Variants in CRMP1 observed in about 807,000 individuals in gnomAD.
The protein encoded by CRMP1 is collapsin response mediator protein 1.
Under a neutral mutation model 68.3 loss-of-function variants are expected in CRMP1, and 19 were observed. The observed-to-expected ratio is 0.28, with a 90% confidence interval of 0.19 to 0.41. The LOEUF is 0.41. Ranked by LOEUF, CRMP1 falls within the 10% of genes least tolerant of loss-of-function variation. The probability of loss-of-function intolerance (pLI) is 1.00; values close to 1 mark genes in which losing one functional copy is unlikely to be tolerated. For missense variants in CRMP1, 791 were observed against 967.4 expected, an observed-to-expected ratio of 0.82 and a Z score of 2.42; for synonymous variants, 439 against 399.6, an observed-to-expected ratio of 1.10 and a Z score of -1.18.
At chr4:5,884,323 C>G (rs1216158862) in intron 1 of CRMP1, among the ~76,000 whole-genome samples, 2 of 152,064 alleles carry the variant, frequency 1.3e-5, no homozygotes, top group Admixed American at 6.6e-5. Flanking sequence ...ACAAATCGAG[C>G]CTGATGTGAT....
In CRMP1 at chr4:5,866,662, A is replaced by G. The variant is rs1433807861; in HGVS notation, c.470+6T>C. The stretch of plus-strand genomic sequence containing the variant: ...TTTCTTAAAAGGTCCGTTTTGATCA[A>G]CCCACTTGATAAGTCCATCCTCCAG... On this transcript the variant is annotated splice_donor_region_variant and intron_variant, in intron 2 of 13. Coordinates refer to ENST00000324989, the MANE Select transcript of CRMP1 (RefSeq NM_001014809.3). This position sits in a 1 kb window ranked among gnomAD's most constrained non-coding sequence, Gnocchi z 5.9. 2 of 1,609,958 alleles carry G rather than the reference A, an allele frequency of 1.2e-6. No individual in the cohort carries two copies.
intron 1 of CRMP1, among the ~76,000 whole-genome samples, chr4:5,875,838 T>C (rs1013980852): frequency 2.1e-5 from 3 of 143,944 alleles, no homozygotes; most frequent in Non-Finnish European, 4.4e-5. Flanking sequence ...TTACTGCTTT[T>C]CTTTCTCAGC....
intron 12 of CRMP1, among the ~76,000 whole-genome samples, chr4:5,827,655 C>T (rs555482164): frequency 4.5e-4 from 68 of 151,962 alleles, no homozygotes; most frequent in Non-Finnish European, 8.7e-4. Context: ...CACACACATC[C>T]CCATATGCAC....
intron 11 of CRMP1, 110 bp from the exon 12 acceptor site, chr4:5,828,778 T>C (rs1046127268): frequency 1.5e-6 from 2 of 1,303,562 alleles, no homozygotes; most frequent in African/African-American, 1.5e-5. Flanking sequence ...CCAATGTTTT[T>C]TTTTCTCTCT....
rs1180722095 is a variant in CRMP1 at position 5,853,852 on chromosome 4, A to T, written c.820+2291T>A. Reference sequence around the variant, plus strand: ...GGCACAGAAAGGCAAACACTGCAGCATCTCACTTATATGTGGAATCTAAAA... The same window carrying T: ...GGCACAGAAAGGCAAACACTGCAGCTTCTCACTTATATGTGGAATCTAAAA... On this transcript the variant is annotated intron_variant, in intron 4 of 13. Coordinates refer to ENST00000324989, the MANE Select transcript of CRMP1 (RefSeq NM_001014809.3). This position sits in a 1 kb window ranked among gnomAD's most constrained non-coding sequence, Gnocchi z 4.7. Among the ~76,000 whole-genome samples the T allele has an allele frequency of 6.6e-6, 1 of 152,280 alleles. No individual in the cohort carries two copies. Among genetic ancestry groups the T allele is most frequent in the East Asian group, 1.9e-4 (1 of 5,204 alleles).
intron 11 of CRMP1, among the ~76,000 whole-genome samples, chr4:5,835,643 G>T (rs1472845233): frequency 3.3e-5 from 5 of 152,152 alleles, no homozygotes; most frequent in Non-Finnish European, 7.3e-5. Context: ...TCAGATGGCT[G>T]GGAACACATG....
intron 1 of CRMP1, among the ~76,000 whole-genome samples, chr4:5,882,610 T>A (rs1351151134): frequency 5.9e-5 from 9 of 152,184 alleles, no homozygotes; most frequent in African/African-American, 2.2e-4. Flanking sequence ...CATAAATCTG[T>A]ACAGATAAAA....
In CRMP1 at chr4:5,860,680, A is replaced by C. The variant is rs1484515329; in HGVS notation, c.655+346T>G. ...CTATAATCCATGTCTTCTTTACTTA[A>C]TACTTTTCTTTAAACAAATTTTGTT... On this transcript the variant is annotated intron_variant, in intron 3 of 13. Coordinates refer to ENST00000324989, the MANE Select transcript of CRMP1 (RefSeq NM_001014809.3). The surrounding 1 kb of genome is among the most constrained non-coding windows in gnomAD (Gnocchi z 4.2). Among the ~76,000 whole-genome samples the C allele has an allele frequency of 6.6e-6, 1 of 151,458 alleles. No homozygotes were observed. The highest frequency in any genetic ancestry group is 1.5e-5 in the Non-Finnish European group (1 of 67,928).
At position 5,845,332 on chromosome 4, in the gene CRMP1, C is replaced by T. The variant is rs116501391; in HGVS notation, c.964-2171G>A. On this transcript the variant is annotated intron_variant, in intron 6 of 13. Transcript: ENST00000324989. ...GTCAGGTTACAGAGACTCTGGCTTC[C>T]GACCTGCTCACCTACTGCTTTTTGG... 2.0e-3 allele frequency among the ~76,000 whole-genome samples: 301 copies of T among 152,330 alleles called. 1 individual carries two copies. Among genetic ancestry groups the T allele is most frequent in the African/African-American group, 6.8e-3 (281 of 41,566 alleles).
chr4:5,874,732 A>G (rs1435215314), intron 1 of CRMP1, among the ~76,000 whole-genome samples: 1 of 152,156 alleles, frequency 6.6e-6, no homozygotes, highest in Non-Finnish European at 1.5e-5. Context: ...AGAAGGATAA[A>G]GAGGAAAGGA....
At chr4:5,873,449 T>C (rs1001789508) in intron 1 of CRMP1, among the ~76,000 whole-genome samples, 17 of 151,502 alleles carry the variant, frequency 1.1e-4, no homozygotes, top group African/African-American at 4.1e-4. Flanking sequence ...GGAAGCATGA[T>C]GCTGGCATCT....
In CRMP1 at chr4:5,853,036, C is replaced by T. The variant is rs11940535; in HGVS notation, c.821-1567G>A. ...GAACAAGCCAGTCTGGAGGAGCAGG[C>T]GCATCCTGATGAGCCAGGCAGACAG... is the stretch of plus-strand genomic sequence containing the variant. On this transcript the variant is annotated intron_variant, in intron 4 of 13. Coordinates refer to ENST00000324989, the MANE Select transcript of CRMP1 (RefSeq NM_001014809.3). The surrounding 1 kb of genome is among the most constrained non-coding windows in gnomAD (Gnocchi z 4.7). Among the ~76,000 whole-genome samples, 7 of 152,134 alleles carry T rather than the reference C, an allele frequency of 4.6e-5. No homozygotes were observed. The East Asian group carries it at 1.2e-3, about 25-fold the overall frequency.
chr4:5,862,746 G>A (rs1713674543), intron 2 of CRMP1, among the ~76,000 whole-genome samples: 1 of 152,170 alleles, frequency 6.6e-6, no homozygotes, highest in South Asian at 2.1e-4. Flanking sequence ...TCACAGCTCA[G>A]TCTGATTCAA....
At position 5,849,381 on chromosome 4, in the gene CRMP1, T is replaced by C. The variant is rs755344544; in HGVS notation, c.963+11A>G. 5.0e-6 allele frequency: 8 copies of C among 1,609,554 alleles called. No individual in the cohort carries two copies. In the Admixed American group the frequency reaches 1.2e-4, roughly 24 times the overall value. On this transcript the variant is annotated intron_variant, in intron 6 of 13. Coordinates refer to ENST00000324989, the MANE Select transcript of CRMP1 (RefSeq NM_001014809.3). ...ACTGAGGTAGAAGGAGTGGAAATTC[T>C]TGCCACTCACCTGAGCTATCAAATC... is the stretch of plus-strand genomic sequence containing the variant.
At chr4:5,833,069 G>A (rs899717666) in intron 11 of CRMP1, among the ~76,000 whole-genome samples, 1 of 151,912 alleles carries the variant, frequency 6.6e-6, no homozygotes, top group African/African-American at 2.4e-5. Flanking sequence ...TCAGACGCTA[G>A]AAGAGTGGCC....
intron 10 of CRMP1, 63 bp downstream of exon 10, chr4:5,836,702 A>G (rs1720751311): frequency 8.1e-6 from 13 of 1,612,608 alleles, no homozygotes; most frequent in Non-Finnish European, 1.1e-5. Context: ...TGCATAATGC[A>G]TCGGCTTTCA....
rs1393428112 is a variant in CRMP1, at chr4:5,893,038, C to G, written c.-69G>C. 3.9e-6 allele frequency: 4 copies of G among 1,014,006 alleles called. No homozygotes were observed. Among genetic ancestry groups the G allele is most frequent in the Non-Finnish European group, 4.8e-6 (4 of 837,628 alleles). The allele number at this position is 1,014,006 out of a possible 1,614,324, so 62.8% of individuals were successfully genotyped here. Reference sequence around the variant, plus strand: ...CCGCGGCCCTGGGCACCGCCGTGCGCCGCGCTCCGCGCCTCGGTGCGGGCC... The same window carrying G: ...CCGCGGCCCTGGGCACCGCCGTGCGGCGCGCTCCGCGCCTCGGTGCGGGCC... On this transcript the variant is annotated 5_prime_UTR_variant, in exon 1 of 14. Transcript: ENST00000324989.
At position 5,843,893 on chromosome 4, in the gene CRMP1, G is replaced by A. The variant is rs1711984509; in HGVS notation, c.964-732C>T. The stretch of plus-strand genomic sequence containing the variant: ...ATATAACCTTGAAATGGTTCCCTGG[G>A]CTGATGGCCTAGATTCAAATCCATC... On this transcript the variant is annotated intron_variant, in intron 6 of 13. Coordinates refer to ENST00000324989, the MANE Select transcript of CRMP1 (RefSeq NM_001014809.3). This position sits in a 1 kb window ranked among gnomAD's most constrained non-coding sequence, Gnocchi z 4.1. Among the ~76,000 whole-genome samples the A allele has an allele frequency of 6.6e-6, 1 of 152,080 alleles. No homozygotes were observed. The highest frequency in any genetic ancestry group is 2.4e-5 in the African/African-American group (1 of 41,400).
rs149485730 is a variant in CRMP1 at position 5,828,506 on chromosome 4, C to T, written c.1786G>A (p.Val596Ile). Residue 596 changes from valine (V) to isoleucine (I), a missense_variant, in exon 12 of 14, where the codon GTC becomes ATC. Physicochemically the swap from Val to Ile is conservative, Grantham distance 29. This residue lies in a region of CRMP1 where 594 missense variants were observed against 763.6 expected (regional missense o/e 0.78). Coordinates refer to ENST00000324989, the MANE Select transcript of CRMP1 (RefSeq NM_001014809.3). ...ACACTCACCTTATTCCTGATTTTGA[C>T]GCGCTGGTACAGGTGCTCCGGGAAC... The part of the protein sequence containing the change: ...KAFPEHLYQR[V>I]KIRNKVFGLQ... The T allele has an allele frequency of 8.7e-4, 1,403 of 1,614,026 alleles. 2 individuals carry two copies. Among genetic ancestry groups the T allele is most frequent in the Non-Finnish European group, 1.1e-3 (1,340 of 1,179,912 alleles).
Sources: allele counts gnomAD v4.1 joint callset (sites outside exome capture counted in the v4.1 genomes callset), GRCh38; gene constraint gnomAD v4.1.1; regional missense constraint gnomAD v4.1.1; non-coding constraint Gnocchi (gnomAD v3.1); transcripts MANE v1.5; gene names NCBI Gene and HGNC (gene_info 2026-07-23, HGNC 2026-07-21).